The following FRMPD4 variants were observed in gnomAD, a reference collection of about 807,000 sequenced individuals.
FRMPD4 encodes the protein FERM and PDZ domain containing 4, also known as FERM and PDZ domain-containing protein 4.
In FRMPD4, 22 loss-of-function variants were observed where a neutral mutation model predicts 94.1. That is an observed-to-expected ratio of 0.23 (90% confidence interval 0.17 to 0.33). FRMPD4 has a LOEUF of 0.33. FRMPD4 is among the 10% of genes least tolerant of loss of function. The pLI is 1.00. For missense variants in FRMPD4, 1,111 were observed against 1,339.9 expected (o/e 0.83, Z 2.67); for synonymous variants, 631 against 548.6 (o/e 1.15, Z -2.10).
chrX:12,012,875 A>G (rs1160179928), intron 3 of FRMPD4, among the ~76,000 whole-genome samples: 1 of 112,602 alleles, frequency 8.9e-6, no homozygotes, highest in East Asian at 2.8e-4. Context: ...AGGAAGGGAC[A>G]CTAAGTTGAG....
At chrX:12,410,763 A>C (rs2056723242) in intron 1 of FRMPD4, among the ~76,000 whole-genome samples, 3 of 111,598 alleles carry the variant, frequency 2.7e-5, no homozygotes, top group South Asian at 7.5e-4. Flanking sequence ...TTAAAGTATA[A>C]GTAGTTGCCG....
Position 12,205,017 on chromosome X carries a change from T to G in FRMPD4, c.41+66005T>G, listed in dbSNP as rs139041589. Among the ~76,000 whole-genome samples, 437 of 108,570 alleles carry G rather than the reference T, an allele frequency of 4.0e-3. 2 individuals carry two copies. Among genetic ancestry groups the G allele is most frequent in the Non-Finnish European group, 5.5e-3 (286 of 52,448 alleles). 94.3% of individuals were successfully genotyped at this position (108,570 alleles called of 115,157 possible). A position where few individuals can be genotyped will look rare whatever the true frequency, so the allele number is the denominator to read the frequency against. ...CTGGGTTCTCACATGCTGTAAATTATTAGAGGGCGAAAAGCAAGGTCCCAG... is the reference window on the plus strand; with the variant it reads ...CTGGGTTCTCACATGCTGTAAATTAGTAGAGGGCGAAAAGCAAGGTCCCAG... On this transcript the variant is annotated intron_variant, in intron 1 of 16. Transcript: ENST00000675598.
chrX:12,355,144 G>A (rs2055875063), intron 1 of FRMPD4, among the ~76,000 whole-genome samples: 1 of 110,169 alleles, frequency 9.1e-6, no homozygotes, highest in African/African-American at 3.3e-5. Context: ...TCTGCATTGA[G>A]GTTTATGTCT....
At chrX:12,134,992 A>G (rs2055584713), upstream of FRMPD4, among the ~76,000 whole-genome samples, 1 of 112,397 alleles carries the variant, frequency 8.9e-6, no homozygotes, top group African/African-American at 3.2e-5. Context: ...GAGAAGTTAT[A>G]GGACTTGCTC....
chrX:11,992,862 A>G (rs1030090131), intron 3 of FRMPD4, among the ~76,000 whole-genome samples: 2 of 109,910 alleles, frequency 1.8e-5, no homozygotes, highest in African/African-American at 6.6e-5. Flanking sequence ...GTAAGGGAGT[A>G]GAGGTGGGAT....
At chrX:12,626,188 G>T (rs951628728) in intron 4 of FRMPD4, among the ~76,000 whole-genome samples, 3 of 109,336 alleles carry the variant, frequency 2.7e-5, no homozygotes, top group Non-Finnish European at 3.8e-5. Context: ...AATTAGCCAG[G>T]CATGGTGGTA....
intron 3 of FRMPD4, among the ~76,000 whole-genome samples, chrX:12,039,469 T>C (rs1332601610): frequency 1.8e-5 from 2 of 111,324 alleles, no homozygotes; most frequent in African/African-American, 6.5e-5. Flanking sequence ...GCTCAAATAC[T>C]TTCTAATTTT....
At chrX:12,541,792 G>C (rs1410799998) in intron 2 of FRMPD4, among the ~76,000 whole-genome samples, 1 of 111,664 alleles carries the variant, frequency 9.0e-6, no homozygotes, top group East Asian at 2.8e-4. Context: ...AACAAAAAAA[G>C]AGAATTTTAG....
intron 1 of FRMPD4, among the ~76,000 whole-genome samples, chrX:12,158,962 C>A (rs1311942962): frequency 8.9e-6 from 1 of 112,190 alleles, no homozygotes; most frequent in Non-Finnish European, 1.9e-5. Context: ...ATAGGAAGTA[C>A]ACGCCTTCTT....
At chrX:12,116,768 T>C (rs1277250719) in intron 3 of FRMPD4, among the ~76,000 whole-genome samples, 3 of 111,971 alleles carry the variant, frequency 2.7e-5, no homozygotes, top group Non-Finnish European at 5.6e-5. Context: ...CACCTGATAT[T>C]CTTAAGACCC....
At chrX:12,547,061 C>T (rs1449533842) in intron 2 of FRMPD4, among the ~76,000 whole-genome samples, 3 of 101,251 alleles carry the variant, frequency 3.0e-5, no homozygotes, top group Non-Finnish European at 5.9e-5. Context: ...ACACTGATAC[C>T]TGACATATAT....
At chrX:11,982,923 C>A (rs2054404742) in intron 3 of FRMPD4, among the ~76,000 whole-genome samples, 1 of 111,619 alleles carries the variant, frequency 9.0e-6, no homozygotes, top group African/African-American at 3.2e-5. Context: ...GACTCTTACT[C>A]ATGTTGTTTT....
At chrX:12,040,695 G>T (rs1465259487) in intron 3 of FRMPD4, among the ~76,000 whole-genome samples, 3 of 106,263 alleles carry the variant, frequency 2.8e-5, no homozygotes, top group Non-Finnish European at 3.9e-5. Context: ...GCCCGGTGGG[G>T]TTTTTTTGTA....
At chrX:12,466,061 A>G (rs1325996868) in intron 1 of FRMPD4, among the ~76,000 whole-genome samples, 2 of 111,452 alleles carry the variant, frequency 1.8e-5, no homozygotes, top group African/African-American at 6.5e-5. Context: ...CTTTGAAGTT[A>G]GATTCTCCAT....
intron 3 of FRMPD4, among the ~76,000 whole-genome samples, chrX:11,961,531 C>G (rs918825269): frequency 8.9e-6 from 1 of 112,133 alleles, no homozygotes; most frequent in Non-Finnish European, 1.9e-5. Context: ...TAAAGCAATG[C>G]CATATCAGCT....
chrX:12,326,471 T>TC lies in FRMPD4; in HGVS notation c.42-172204dup, dbSNP rs201897433. ...TTCTCCTCATTCAATGCCAATAGAA[T>TC]CCCCCACCCCCAGTTGTGATGGCCA... On this transcript the variant is annotated intron_variant, in intron 1 of 16. Coordinates refer to ENST00000675598, the MANE Select transcript of FRMPD4 (RefSeq NM_001368397.1). Among the ~76,000 whole-genome samples the TC allele has an allele frequency of 1.0e-2, 1,109 of 111,263 alleles. 6 individuals carry two copies. Among genetic ancestry groups the TC allele is most frequent in the African/African-American group, 0.034 (1,053 of 30,566 alleles).
rs768262454 is a variant in FRMPD4, at chrX:12,687,681, C to T, written c.681+1477C>T. On this transcript the variant is annotated intron_variant, in intron 7 of 16. Coordinates refer to ENST00000675598, the MANE Select transcript of FRMPD4 (RefSeq NM_001368397.1). ...ATTAGCAATGGGAAAGGCTCATAGT[C>T]AGGGCACAGGAGAGATTGAGTGGAA... 2.7e-5 allele frequency among the ~76,000 whole-genome samples: 3 copies of T among 112,377 alleles called. No homozygotes were observed. The Admixed American group carries it at 2.8e-4, about 11-fold the overall frequency.
rs1021284695 is a variant in FRMPD4, at chrX:12,718,663, C to T, written c.3837C>T (p.His1279=). ...ACGGAGCCACCTTTAAGGAACTGCA[C>T]CCACAGACAGAAGGGATGTGTCCAC... is the stretch of plus-strand genomic sequence containing the variant. The part of the protein sequence containing the change: ...PNHGATFKEL[H]PQTEGMCPRM... The change falls in exon 16 of 17, where the codon CAC becomes CAT. Residue 1279 remains histidine, a synonymous_variant. Coordinates refer to ENST00000675598, the MANE Select transcript of FRMPD4 (RefSeq NM_001368397.1). 24 of 1,206,209 alleles carry T rather than the reference C, an allele frequency of 2.0e-5. No homozygotes were observed. The highest frequency in any genetic ancestry group is 2.6e-5 in the Non-Finnish European group (23 of 891,566).
intron 3 of FRMPD4, among the ~76,000 whole-genome samples, chrX:12,108,155 G>T (rs2055317526): frequency 8.9e-6 from 1 of 111,739 alleles, no homozygotes; most frequent in Non-Finnish European, 1.9e-5. Flanking sequence ...AGGAAAAAAT[G>T]TTAAGGGCAA....
Sources: gnomAD v4.1 joint callset for allele counts (sites outside exome capture counted in the v4.1 genomes callset) on GRCh38, gnomAD v4.1.1 for gene constraint, MANE v1.5 for transcripts, NCBI Gene and HGNC (gene_info 2026-07-23, HGNC 2026-07-21) for gene names.